Variants in DMXL2 observed in about 807,000 individuals in gnomAD.
The protein encoded by DMXL2 is dmX-like protein 2.
In DMXL2, 103 loss-of-function variants were observed where a neutral mutation model predicts 331.1. That is an observed-to-expected ratio of 0.31 (90% CI 0.27 to 0.37). The LOEUF (loss-of-function observed/expected upper bound fraction) is 0.37. DMXL2 is among the 10% of genes least tolerant of loss of function. The pLI is 1.00. For synonymous variants in DMXL2, 1,281 were observed against 1,252.1 expected, an observed-to-expected ratio of 1.02 and a Z score of -0.49; for missense variants, 3,171 against 3,642.9, an observed-to-expected ratio of 0.87 and a Z score of 3.33.
chr15:51,455,566 A>C (rs2039552181), intron 39 of DMXL2, among the ~76,000 whole-genome samples: 1 of 152,104 alleles, frequency 6.6e-6, no homozygotes, highest in African/African-American at 2.4e-5. Flanking sequence ...TTTTTAAAAA[A>C]ATTTTTGTAG....
At chr15:51,549,167 A>G (rs781629135) in intron 6 of DMXL2, among the ~76,000 whole-genome samples, 1 of 152,030 alleles carries the variant, frequency 6.6e-6, no homozygotes, top group Non-Finnish European at 1.5e-5. Context: ...ATGCCTCTGC[A>G]TCTTCATAGC....
rs112252994 is a variant in DMXL2, at chr15:51,480,516, G to C, written c.6564+26C>G. ...CTACTGAAATTACTGAAATAACCAA[G>C]ATTGAAAAAAAAGTGATATTCACAC... is the stretch of plus-strand genomic sequence containing the variant. On this transcript the variant is annotated intron_variant, in intron 24 of 43. Coordinates refer to ENST00000560891, the MANE Select transcript of DMXL2 (RefSeq NM_001378457.1). 5.4e-6 allele frequency: 8 copies of C among 1,480,602 alleles called. No homozygotes were observed. In the Admixed American group the frequency reaches 1.6e-4, roughly 30 times the overall value. 91.7% of individuals were successfully genotyped at this position (1,480,602 alleles called of 1,614,324 possible). A position where few individuals can be genotyped will look rare whatever the true frequency, so the allele number is the denominator to read the frequency against.
In DMXL2 at chr15:51,509,031, A is replaced by G. The variant is rs75827770; in HGVS notation, c.2645-1778T>C. Among the ~76,000 whole-genome samples the G allele has an allele frequency of 2.7e-3, 413 of 152,276 alleles. 19 individuals are homozygous for G. In the East Asian group the frequency reaches 0.065, roughly 24 times the overall value. On this transcript the variant is annotated intron_variant, in intron 15 of 43. Transcript: ENST00000560891. ...AATATGACTAAAAGTGAGATATCCAAATTTTTTTTTCTGGTATGATACATA... is the reference window on the plus strand; with the variant it reads ...AATATGACTAAAAGTGAGATATCCAGATTTTTTTTTCTGGTATGATACATA...
chr15:51,453,117 C>CTA (rs2039301317), intron 41 of DMXL2: 1 of 153,234 alleles, frequency 6.5e-6, no homozygotes. Flanking sequence ...GAATAAAAGA[C>CTA]TACACACTGG....
chr15:51,487,766 T>G (rs1323959155), intron 22 of DMXL2, among the ~76,000 whole-genome samples, 188 bp downstream of exon 22: 1 of 152,152 alleles, frequency 6.6e-6, no homozygotes, highest in African/African-American at 2.4e-5. Context: ...CCTGAAATTT[T>G]TCATTTGTTT....
intron 6 of DMXL2, among the ~76,000 whole-genome samples, chr15:51,549,136 A>C (rs1475793346): frequency 6.6e-6 from 1 of 152,030 alleles, no homozygotes; most frequent in African/African-American, 2.4e-5. Context: ...CCTAGTCCCC[A>C]AAGTCCATTG....
intron 13 of DMXL2, among the ~76,000 whole-genome samples, chr15:51,530,663 A>C (rs544744562): frequency 2.0e-5 from 3 of 151,890 alleles, no homozygotes; most frequent in Admixed American, 2.0e-4. Context: ...GCTGAGGCAG[A>C]AGAATCACTT....
intron 34 of DMXL2, 134 bp from the exon 35 acceptor site, chr15:51,458,929 G>A (rs1290775823): frequency 2.6e-6 from 2 of 774,560 alleles, no homozygotes; most frequent in African/African-American, 1.8e-5. Flanking sequence ...AAGAAAAAAG[G>A]GTAAGAGTAA....
chr15:51,501,253 C>G (rs1471262618), intron 17 of DMXL2, among the ~76,000 whole-genome samples: 2 of 152,146 alleles, frequency 1.3e-5, no homozygotes, highest in African/African-American at 4.8e-5. Flanking sequence ...ATATCATTCA[C>G]CAGTAATTTT....
intron 1 of DMXL2, among the ~76,000 whole-genome samples, chr15:51,618,334 C>A (rs1010825355): frequency 2.0e-5 from 3 of 150,204 alleles, no homozygotes; most frequent in Non-Finnish European, 3.0e-5. Flanking sequence ...TTTTTAATAC[C>A]CACAAAGCTT....
intron 27 of DMXL2, among the ~76,000 whole-genome samples, chr15:51,476,229 G>A (rs976351175): frequency 6.6e-6 from 1 of 152,038 alleles, no homozygotes; most frequent in East Asian, 1.9e-4. Context: ...TTACACGCCC[G>A]AGAACAACTA....
intron 1 of DMXL2, among the ~76,000 whole-genome samples, chr15:51,602,368 CA>C (rs755594614): frequency 9.9e-5 from 15 of 152,094 alleles, no homozygotes; most frequent in Non-Finnish European, 1.9e-4. Flanking sequence ...TCACAGCCCC[CA>C]AATAATTCCA....
intron 1 of DMXL2, among the ~76,000 whole-genome samples, chr15:51,576,896 G>C (rs1455389355): frequency 6.6e-6 from 1 of 152,152 alleles, no homozygotes; most frequent in Non-Finnish European, 1.5e-5. Flanking sequence ...ACCACTATAT[G>C]ATCTTGAAAA....
chr15:51,536,371 C>T lies in DMXL2; in HGVS notation c.2109G>A (p.Ser703=), dbSNP rs141206641. ...TTGCTGCATTTCTAAGAGGTTGTTTCGAGGAACCTTTTATATGTTTTACAG... is the reference window on the plus strand; with the variant it reads ...TTGCTGCATTTCTAAGAGGTTGTTTTGAGGAACCTTTTATATGTTTTACAG... ...MDPVKHIKGS[S]KQPLRNAATR... is the part of the protein sequence containing the mutation. The change falls in exon 12 of 44, where the codon TCG becomes TCA. Residue 703 remains serine (S), a synonymous_variant. Transcript: ENST00000560891. 178 of 1,613,442 alleles carry T rather than the reference C, an allele frequency of 1.1e-4. 3 individuals are homozygous for T. The East Asian group carries it at 3.4e-3, about 31-fold the overall frequency.
chr15:51,551,945 A>G (rs1432499053), intron 6 of DMXL2, among the ~76,000 whole-genome samples: 1 of 152,202 alleles, frequency 6.6e-6, no homozygotes, highest in Non-Finnish European at 1.5e-5. Flanking sequence ...TGCCTGGGAG[A>G]TCAGAGGATT....
At chr15:51,539,456 T>C (rs1567089366) in intron 9 of DMXL2, among the ~76,000 whole-genome samples, 1 of 152,140 alleles carries the variant, frequency 6.6e-6, no homozygotes, top group African/African-American at 2.4e-5. Context: ...ATTCTAAGTA[T>C]AAGATAATTT....
At chr15:51,556,359 A>G (rs892681322) in intron 6 of DMXL2, among the ~76,000 whole-genome samples, 1 of 149,960 alleles carries the variant, frequency 6.7e-6, no homozygotes, top group African/African-American at 2.5e-5. Context: ...AAAAAAGAAA[A>G]AAAAAAAAAA....
chr15:51,515,555 AAAC>A (rs774407941), intron 14 of DMXL2, among the ~76,000 whole-genome samples: 6 of 152,184 alleles, frequency 3.9e-5, no homozygotes, highest in Non-Finnish European at 5.9e-5. Context: ...CCCAAGGGAC[AAAC>A]AATAGATGAA....
rs2050190887 is a variant in DMXL2, at chr15:51,565,171, A to C, written c.286-5T>G. On this transcript the variant is annotated splice_polypyrimidine_tract_variant and splice_region_variant and intron_variant, in intron 3 of 43. Coordinates refer to ENST00000560891, the MANE Select transcript of DMXL2 (RefSeq NM_001378457.1). Reference sequence around the variant, plus strand: ...AAGCCACTGGCACTTGAGTTGCTGAAATACGTAGACAAAAAGAAATAAGAA... The same window carrying C: ...AAGCCACTGGCACTTGAGTTGCTGACATACGTAGACAAAAAGAAATAAGAA... 1 of 1,559,578 alleles carries C rather than the reference A, an allele frequency of 6.4e-7. No individual in the cohort carries two copies. Among genetic ancestry groups the C allele is most frequent in the Non-Finnish European group, 8.7e-7 (1 of 1,155,640 alleles).
Sources: gnomAD v4.1 joint callset for allele counts (sites outside exome capture counted in the v4.1 genomes callset) on GRCh38, gnomAD v4.1.1 for gene constraint, MANE v1.5 for transcripts, NCBI Gene and HGNC (gene_info 2026-07-23, HGNC 2026-07-21) for gene names.